The following PLXNA1 variants were observed in gnomAD, a reference collection of about 807,000 sequenced individuals.
PLXNA1 encodes the protein plexin-A1.
A neutral mutation model predicts 191.7 loss-of-function variants in PLXNA1; 77 were observed. The ratio of observed to expected loss-of-function variants is 0.40; its 90% CI spans 0.33 to 0.49. The LOEUF is 0.49. Ranked by LOEUF, PLXNA1 falls within the 20% of genes least tolerant of loss-of-function variation. The pLI, the probability that PLXNA1 is intolerant of heterozygous loss-of-function variation, is 0.63. For synonymous variants in PLXNA1, 1,137 were observed against 1,156.4 expected, an observed-to-expected ratio of 0.98 and a Z score of 0.34; for missense variants, 2,110 against 2,660.2, an observed-to-expected ratio of 0.79 and a Z score of 4.55.
At chr3:127,021,694 G>A (rs114976098) in intron 21 of PLXNA1, among the ~76,000 whole-genome samples, 210 of 152,312 alleles carry the variant, frequency 1.4e-3, no homozygotes, top group African/African-American at 3.4e-3. Flanking sequence ...CTGCAGGCCC[G>A]CTGCAGGGGT....
chr3:127,002,249 T>C (rs1039085796), intron 3 of PLXNA1, among the ~76,000 whole-genome samples: 4 of 152,254 alleles, frequency 2.6e-5, no homozygotes, highest in African/African-American at 9.6e-5. Flanking sequence ...CTTCCGGGTC[T>C]GGTTTGACTT....
chr3:127,026,251 A>C (rs887692451), intron 23 of PLXNA1: 4 of 152,216 alleles, frequency 2.6e-5, no homozygotes, highest in African/African-American at 9.7e-5. Context: ...AAGTGGGTGG[A>C]GTGGGGCGGG....
Position 127,037,369 on chromosome 3 carries a change from G to A in PLXNA1, c.*3352G>A, listed in dbSNP as rs2079249736. On this transcript the variant is annotated 3_prime_UTR_variant, in exon 32 of 32. Coordinates refer to ENST00000393409, the MANE Select transcript of PLXNA1 (RefSeq NM_032242.4). ...TAAATAAACACACACATTAAGGAGA[G>A]ATTAAACATTTTTGCTAAAAGCTCT... 6.6e-6 allele frequency: 1 copy of A among 152,650 alleles called. No individual in the cohort carries two copies. The highest frequency in any genetic ancestry group is 2.4e-5 in the African/African-American group (1 of 41,468). 9.5% of individuals were successfully genotyped at this position (152,650 alleles called of 1,614,324 possible).
intron 23 of PLXNA1, among the ~76,000 whole-genome samples, chr3:127,026,154 C>T (rs948822363): frequency 4.6e-5 from 7 of 152,182 alleles, no homozygotes; most frequent in Non-Finnish European, 5.9e-5. Context: ...ATTGAGGCTG[C>T]GACAAGAAAA....
intron 3 of PLXNA1, among the ~76,000 whole-genome samples, chr3:127,000,527 C>T (rs917816478): frequency 3.9e-5 from 6 of 152,230 alleles, no homozygotes; most frequent in African/African-American, 9.6e-5. Flanking sequence ...CCTGGAATAC[C>T]CTCCTGCTGG....
intron 20 of PLXNA1, among the ~76,000 whole-genome samples, chr3:127,018,767 A>G (rs994059307): frequency 6.6e-6 from 1 of 152,204 alleles, no homozygotes; most frequent in Non-Finnish European, 1.5e-5. Flanking sequence ...ACCCAAAGCC[A>G]GACTGTTTGC....
At chr3:127,032,888 G>C in intron 31 of PLXNA1, 52 bp downstream of exon 31, 1 of 1,580,732 alleles carries the variant, frequency 6.3e-7, no homozygotes, top group African/African-American at 1.3e-5. Flanking sequence ...GCCGGCCCCT[G>C]CCAGAGTCAC....
intron 10 of PLXNA1, 28 bp downstream of exon 10, chr3:127,012,186 G>A: frequency 1.2e-6 from 2 of 1,600,288 alleles, no homozygotes; most frequent in Non-Finnish European, 1.7e-6. Context: ...GGGGCTGGGG[G>A]CCGTGAGCCG....
intron 1 of PLXNA1, among the ~76,000 whole-genome samples, chr3:126,986,169 C>T (rs2078958227): frequency 6.6e-6 from 1 of 152,250 alleles, no homozygotes; most frequent in African/African-American, 2.4e-5. Flanking sequence ...CTGCTTTGAA[C>T]TGATAAACGG....
At chr3:127,007,558 G>C (rs1213280526) in intron 8 of PLXNA1, among the ~76,000 whole-genome samples, 2 of 152,200 alleles carry the variant, frequency 1.3e-5, no homozygotes, top group Non-Finnish European at 2.9e-5. Flanking sequence ...GGGGTCAGGA[G>C]TGTGGGCAGG....
chr3:127,000,016 G>A (rs1359228519), intron 3 of PLXNA1, among the ~76,000 whole-genome samples: 1 of 152,088 alleles, frequency 6.6e-6, no homozygotes, highest in Admixed American at 6.5e-5. Context: ...AGCCAGGGGT[G>A]GGTGGGGGCC....
rs552827234 is a variant in PLXNA1 at position 126,988,608 on chromosome 3, G to T, written c.15G>T (p.Pro5=). 23 of 1,538,704 alleles carry T rather than the reference G, an allele frequency of 1.5e-5. No homozygotes were observed. Among genetic ancestry groups the T allele is most frequent in the Non-Finnish European group, 1.7e-5 (19 of 1,144,832 alleles). MPLP[P]RSLQVLLLLL... ...CCCAGCCTGCCATGCCGCTGCCACC[G>T]CGGAGCCTGCAGGTGCTCCTGCTGC... Residue 5 remains proline (P), a synonymous_variant, in exon 2 of 32, where the codon CCG becomes CCT. Transcript: ENST00000393409.
chr3:127,013,722 T>C (rs1028491577), intron 10 of PLXNA1, among the ~76,000 whole-genome samples: 5 of 152,206 alleles, frequency 3.3e-5, no homozygotes, highest in African/African-American at 1.2e-4. Flanking sequence ...CCTGGCTGAC[T>C]GTAGGGAGTG....
chr3:127,014,393 G>C lies in PLXNA1; in HGVS notation c.2604+18G>C, dbSNP rs2079111461. 6.3e-7 allele frequency: 1 copy of C among 1,575,048 alleles called. No individual in the cohort carries two copies. The highest frequency in any genetic ancestry group is 2.3e-5 in the East Asian group (1 of 43,662). ...TCCTCAAGGTAGGGCCCCCAGCCCT[G>C]CCCCCACACCCCATGCCCCGCCCTG... is the stretch of plus-strand genomic sequence containing the variant. On this transcript the variant is annotated intron_variant, in intron 12 of 31. Transcript: ENST00000393409.
chr3:127,024,659 T>C (rs2107636264), intron 23 of PLXNA1, among the ~76,000 whole-genome samples: 1 of 152,226 alleles, frequency 6.6e-6, no homozygotes, highest in South Asian at 2.1e-4. Flanking sequence ...CCAGGAGCTG[T>C]TAGATCTCCT....
chr3:127,016,387 A>G (rs1365319875), intron 15 of PLXNA1, 130 bp from the exon 16 acceptor site: 2 of 763,862 alleles, frequency 2.6e-6, no homozygotes, highest in East Asian at 2.6e-5. Context: ...AGTAGCGGTG[A>G]TAGTATGCAG....
At chr3:127,010,094 G>A (rs1319129455) in intron 9 of PLXNA1, among the ~76,000 whole-genome samples, 3 of 152,224 alleles carry the variant, frequency 2.0e-5, no homozygotes, top group African/African-American at 7.2e-5. Context: ...CTGGCAAAAT[G>A]CACCCTGTTA....
chr3:127,030,047 C>G lies in PLXNA1; in HGVS notation c.5044C>G (p.Arg1682Gly). The G allele has an allele frequency of 6.2e-7, 1 of 1,611,624 alleles. No homozygotes were observed. The highest frequency in any genetic ancestry group is 8.5e-7 in the Non-Finnish European group (1 of 1,178,288). Residue 1682 changes from arginine to glycine, a missense_variant, in exon 28 of 32, where the codon CGG becomes GGG. Transcript: ENST00000393409. ...GATGGTCTCGGAGATCTACTTGACA[C>G]GGCTACTGGCCACCAAGGTGGGCCT... ...SKMVSEIYLT[R>G]LLATKGTLQK... is the part of the protein sequence containing the mutation.
Position 127,016,646 on chromosome 3 carries a change from C to CGAGTGG in PLXNA1, c.3144_3145insGAGTGG (p.Pro1048_Thr1049insGluTrp). On this transcript the variant is annotated inframe_insertion, in exon 16 of 32. Coordinates refer to ENST00000393409, the MANE Select transcript of PLXNA1 (RefSeq NM_032242.4). ...TGAAGTACAACTACACCGAGGACCC[C>CGAGTGG]ACCATCCTGAGGATCGACCCCGAGT... 2 of 1,614,030 alleles carry CGAGTGG rather than the reference C, an allele frequency of 1.2e-6. No individual in the cohort carries two copies. The highest frequency in any genetic ancestry group is 1.7e-6 in the Non-Finnish European group (2 of 1,179,970).
Sources: gnomAD v4.1 joint callset for allele counts (sites outside exome capture counted in the v4.1 genomes callset) on GRCh38, gnomAD v4.1.1 for gene constraint, MANE v1.5 for transcripts, NCBI Gene and HGNC (gene_info 2026-07-23, HGNC 2026-07-21) for gene names.